The following KITLG variants were observed in gnomAD, a reference collection of about 807,000 sequenced individuals.
KITLG encodes the protein KIT ligand, also known as c-Kit ligand.
In KITLG, 13 loss-of-function variants were observed where a neutral mutation model predicts 34.1. That is an observed-to-expected ratio of 0.38 (90% CI 0.25 to 0.61). The LOEUF (loss-of-function observed/expected upper bound fraction) is 0.61, where lower values mean the gene tolerates loss of function less well. Ranked by LOEUF, KITLG falls within the 20% of genes least tolerant of loss-of-function variation. The probability of loss-of-function intolerance (pLI) is 0.60; values close to 1 mark genes in which losing one functional copy is unlikely to be tolerated. For missense variants in KITLG, 292 were observed against 318.9 expected, an observed-to-expected ratio of 0.92 and a Z score of 0.64; for synonymous variants, 110 against 104.0, an observed-to-expected ratio of 1.06 and a Z score of -0.35.
chr12:88,510,572 T>C (rs1869238795), intron 6 of KITLG, among the ~76,000 whole-genome samples: 1 of 152,184 alleles, frequency 6.6e-6, no homozygotes, highest in Admixed American at 6.5e-5. Flanking sequence ...TAGGATTTCT[T>C]TCTCTATCAT....
chr12:88,525,000 C>T (rs571249950), intron 3 of KITLG, among the ~76,000 whole-genome samples: 21 of 152,230 alleles, frequency 1.4e-4, no homozygotes, highest in Non-Finnish European at 3.1e-4. Flanking sequence ...TGATGGTAGA[C>T]ACCTGACTTG....
chr12:88,533,207 T>G (rs1169360245), intron 2 of KITLG, among the ~76,000 whole-genome samples: 3 of 152,192 alleles, frequency 2.0e-5, no homozygotes, highest in African/African-American at 7.2e-5. Flanking sequence ...TTTGAAGGCT[T>G]TAAATAACGT....
At chr12:88,506,184 T>G (rs1363976035) in intron 8 of KITLG, 127 bp downstream of exon 8, 1 of 731,706 alleles carries the variant, frequency 1.4e-6, no homozygotes, top group African/African-American at 1.7e-5. Context: ...TGGATAGAGT[T>G]GGGACTCACT....
In KITLG at chr12:88,497,837, T is replaced by C. The variant is rs538088377; in HGVS notation, c.*38-656A>G. Among the ~76,000 whole-genome samples, 4 of 152,228 alleles carry C rather than the reference T, an allele frequency of 2.6e-5. No individual in the cohort carries two copies. The South Asian group carries it at 8.3e-4, about 32-fold the overall frequency. ...CTAGTATCTTGACTATCTAGTTAGGTTCTAGCAATCATTTCTTCCAGCTGA... is the reference window on the plus strand; with the variant it reads ...CTAGTATCTTGACTATCTAGTTAGGCTCTAGCAATCATTTCTTCCAGCTGA... On this transcript the variant is annotated intron_variant, in intron 9 of 9. Transcript: ENST00000644744.
At chr12:88,574,948 G>A (rs1871782183) in intron 1 of KITLG, among the ~76,000 whole-genome samples, 1 of 152,194 alleles carries the variant, frequency 6.6e-6, no homozygotes, top group African/African-American at 2.4e-5. Context: ...ATGCATAAAA[G>A]TAGAACAGTC....
intron 8 of KITLG, 150 bp from the exon 9 acceptor site, chr12:88,505,385 T>C (rs1869020165): frequency 4.5e-6 from 3 of 667,100 alleles, no homozygotes; most frequent in Non-Finnish European, 8.2e-6. Flanking sequence ...CTTATTACTA[T>C]AGGGAAGAGG....
At position 88,545,815 on chromosome 12, in the gene KITLG, G is replaced by A. The variant is rs145463930; in HGVS notation, c.66C>T (p.Leu22=). 7.1e-5 allele frequency: 115 copies of A among 1,612,720 alleles called. No homozygotes were observed. The highest frequency in any genetic ancestry group is 8.5e-5 in the Non-Finnish European group (100 of 1,178,972). The change falls in exon 2 of 10, where the codon CTC becomes CTT. Residue 22 remains leucine, a synonymous_variant. Coordinates refer to ENST00000644744, the MANE Select transcript of KITLG (RefSeq NM_000899.5). ...TCCTGCAGATCCCTTCAGTTTTGAC[G>A]AGAGGATTAAATAGGAGCAGCTGAA... ...IYLQLLLFNP[L]VKTEGICRNR...
intron 6 of KITLG, among the ~76,000 whole-genome samples, chr12:88,508,924 T>G (rs576211275): frequency 5.9e-5 from 9 of 152,308 alleles, no homozygotes; most frequent in African/African-American, 2.2e-4. Context: ...GCTCTCTATA[T>G]GAAATGGATT....
chr12:88,562,464 T>C (rs1451257823), intron 1 of KITLG, among the ~76,000 whole-genome samples: 1 of 152,230 alleles, frequency 6.6e-6, no homozygotes, highest in Non-Finnish European at 1.5e-5. Context: ...GGACTTTCAG[T>C]CCCTCCCTGT....
chr12:88,513,141 T>C (rs1289569979), intron 6 of KITLG, among the ~76,000 whole-genome samples: 1 of 151,774 alleles, frequency 6.6e-6, no homozygotes, highest in Admixed American at 6.6e-5. Context: ...ACACAAAAGA[T>C]GGGTATGGGT....
Position 88,494,836 on chromosome 12 carries a change from C to T in KITLG, c.*2383G>A, listed in dbSNP as rs1373984414. ...TTTACTATCTCAGCAGTGAGTTTTC[C>T]ATGATTTATGAAGAAGGATATTCAG... On this transcript the variant is annotated 3_prime_UTR_variant, in exon 10 of 10. Transcript: ENST00000644744. The T allele has an allele frequency of 6.6e-6, 1 of 152,020 alleles. No individual in the cohort carries two copies. The highest frequency in any genetic ancestry group is 2.4e-5 in the African/African-American group (1 of 41,414). The allele number at this position is 152,020 out of a possible 1,614,324, so 9.4% of individuals were successfully genotyped here. A position where few individuals can be genotyped will look rare whatever the true frequency, so the allele number is the denominator to read the frequency against.
At chr12:88,560,987 A>G (rs1318601930) in intron 1 of KITLG, among the ~76,000 whole-genome samples, 1 of 150,856 alleles carries the variant, frequency 6.6e-6, no homozygotes, top group Non-Finnish European at 1.5e-5. Context: ...AAAAAAAAAA[A>G]AAAAAAGAAA....
At chr12:88,525,573 T>C (rs1016771067) in intron 3 of KITLG, among the ~76,000 whole-genome samples, 1 of 127,558 alleles carries the variant, frequency 7.8e-6, no homozygotes, top group Non-Finnish European at 1.8e-5. Flanking sequence ...GTATCTGATG[T>C]TATTATATGC....
chr12:88,527,900 C>A (rs1034967669), intron 3 of KITLG, among the ~76,000 whole-genome samples: 1 of 152,060 alleles, frequency 6.6e-6, no homozygotes, highest in Non-Finnish European at 1.5e-5. Context: ...CTGTCTCATT[C>A]AAAAATGTCA....
intron 1 of KITLG, chr12:88,579,941 T>G: frequency 1.9e-6 from 1 of 534,810 alleles, no homozygotes; most frequent in East Asian, 3.2e-5. Context: ...CTTCCCGTGA[T>G]AACTTAACAT....
At chr12:88,511,930 CA>C (rs1869292387) in intron 6 of KITLG, among the ~76,000 whole-genome samples, 1 of 152,094 alleles carries the variant, frequency 6.6e-6, no homozygotes, top group African/African-American at 2.4e-5. Flanking sequence ...AAACACAATT[CA>C]ATAGCCTCTA....
chr12:88,558,239 G>A (rs1256608444), intron 1 of KITLG, among the ~76,000 whole-genome samples: 1 of 151,588 alleles, frequency 6.6e-6, no homozygotes. Flanking sequence ...AGTCTCACAA[G>A]ACCTTTTAAA....
At chr12:88,573,574 G>A (rs897248324) in intron 1 of KITLG, among the ~76,000 whole-genome samples, 1 of 152,108 alleles carries the variant, frequency 6.6e-6, no homozygotes, top group African/African-American at 2.4e-5. Context: ...TCAGCTTTAG[G>A]GATTTTATGT....
intron 1 of KITLG, among the ~76,000 whole-genome samples, chr12:88,565,874 G>C (rs1716316102): frequency 6.6e-6 from 1 of 152,126 alleles, no homozygotes; most frequent in Non-Finnish European, 1.5e-5. Flanking sequence ...ATTTAGCTCA[G>C]GACCTGGCAC....
Sources: gnomAD v4.1 joint callset for allele counts (sites outside exome capture counted in the v4.1 genomes callset) on GRCh38, gnomAD v4.1.1 for gene constraint, MANE v1.5 for transcripts, NCBI Gene and HGNC (gene_info 2026-07-23, HGNC 2026-07-21) for gene names.